The following TP63 variants were observed in gnomAD, a reference collection of about 807,000 sequenced individuals.
The protein encoded by TP63 is tumor protein p63.
A neutral mutation model predicts 82.8 loss-of-function variants in TP63; 17 were observed. The observed-to-expected ratio is 0.21, with a 90% CI of 0.14 to 0.31. The LOEUF is 0.31. Among genes scored for constraint, TP63 ranks in the 10% least tolerant of loss-of-function variants. The pLI is 1.00. For synonymous variants in TP63, 330 were observed against 321.7 expected, an observed-to-expected ratio of 1.03 and a Z score of -0.28; for missense variants, 648 against 895.3, an observed-to-expected ratio of 0.72 and a Z score of 3.52.
chr3:189,842,788 C>G (rs888210162), intron 4 of TP63, among the ~76,000 whole-genome samples: 2 of 152,226 alleles, frequency 1.3e-5, no homozygotes, highest in South Asian at 2.1e-4. Context: ...TCATGATGGT[C>G]GTGACTTTAG....
intron 1 of TP63, among the ~76,000 whole-genome samples, chr3:189,666,150 G>GTC (rs1714375020): frequency 6.6e-6 from 1 of 151,896 alleles, no homozygotes; most frequent in Non-Finnish European, 1.5e-5. Flanking sequence ...CTTATCAAAC[G>GTC]TAATAAATAA....
intron 4 of TP63, among the ~76,000 whole-genome samples, chr3:189,815,194 T>C (rs1447516677): frequency 6.6e-6 from 1 of 152,120 alleles, no homozygotes; most frequent in Non-Finnish European, 1.5e-5. Flanking sequence ...TATTTTTTTT[T>C]ACTATAGCTT....
intron 1 of TP63, among the ~76,000 whole-genome samples, chr3:189,729,723 G>A (rs1237353060): frequency 1.3e-5 from 2 of 151,992 alleles, no homozygotes; most frequent in Non-Finnish European, 2.9e-5. Context: ...AGGTTGAAAA[G>A]GAAAGATTTC....
intron 3 of TP63, among the ~76,000 whole-genome samples, chr3:189,787,748 A>T (rs1724727332): frequency 6.6e-6 from 1 of 152,006 alleles, no homozygotes; most frequent in African/African-American, 2.4e-5. Flanking sequence ...CAATTTAATA[A>T]TGACTTTGGT....
At chr3:189,688,574 T>C (rs986411429) in intron 1 of TP63, among the ~76,000 whole-genome samples, 5 of 152,158 alleles carry the variant, frequency 3.3e-5, no homozygotes, top group Non-Finnish European at 7.3e-5. Flanking sequence ...CCTGAGTTCT[T>C]ATCACTGTAC....
At chr3:189,804,283 G>A (rs181347288) in intron 3 of TP63, among the ~76,000 whole-genome samples, 7 of 152,230 alleles carry the variant, frequency 4.6e-5, no homozygotes, top group Non-Finnish European at 8.8e-5. Context: ...CCTTTACCCC[G>A]CCAGATTTGC....
intron 4 of TP63, among the ~76,000 whole-genome samples, chr3:189,819,063 T>C (rs1560216951): frequency 6.6e-6 from 1 of 152,218 alleles, no homozygotes; most frequent in Non-Finnish European, 1.5e-5. Flanking sequence ...ATAAAGCAGA[T>C]TGACCAACAT....
chr3:189,844,865 A>T (rs1714662290), intron 4 of TP63, among the ~76,000 whole-genome samples: 1 of 152,084 alleles, frequency 6.6e-6, no homozygotes, highest in African/African-American at 2.4e-5. Flanking sequence ...TTTTATTTTC[A>T]TGTATCTCAT....
rs994519414 is a variant in TP63 at position 189,808,534 on chromosome 3, C to T, written c.579+8C>T. The stretch of plus-strand genomic sequence containing the variant: ...AAGTCGGCCACCTGGACGGTAAGAG[C>T]AGCGGGCACGCACATACCTGACCCC... On this transcript the variant is annotated splice_region_variant and intron_variant, in intron 4 of 13. Transcript: ENST00000264731. 21 of 1,613,186 alleles carry T rather than the reference C, an allele frequency of 1.3e-5. No individual in the cohort carries two copies. Among genetic ancestry groups the T allele is most frequent in the Non-Finnish European group, 5.9e-6 (7 of 1,180,052 alleles).
intron 3 of TP63, among the ~76,000 whole-genome samples, chr3:189,780,073 A>T (rs1381940031): frequency 4.7e-4 from 72 of 152,204 alleles, no homozygotes; most frequent in Non-Finnish European, 1.5e-4. Flanking sequence ...TACAAAAAAA[A>T]GCAAGAAGAC....
intron 1 of TP63, among the ~76,000 whole-genome samples, chr3:189,690,822 A>C (rs1577247241): frequency 6.6e-6 from 1 of 152,086 alleles, no homozygotes; most frequent in East Asian, 1.9e-4. Context: ...CTTCTTTGTG[A>C]CCTTTGCCTT....
intron 1 of TP63, among the ~76,000 whole-genome samples, chr3:189,730,023 G>A (rs1250105806): frequency 6.6e-6 from 1 of 152,180 alleles, no homozygotes; most frequent in Non-Finnish European, 1.5e-5. Flanking sequence ...GGTCAGGAAT[G>A]CTTCTGAAGC....
At chr3:189,841,770 G>C (rs1714153888) in intron 4 of TP63, among the ~76,000 whole-genome samples, 1 of 152,168 alleles carries the variant, frequency 6.6e-6, no homozygotes, top group Non-Finnish European at 1.5e-5. Flanking sequence ...CATTTTAAAA[G>C]ACAATCAAAG....
chr3:189,879,399 A>G (rs1719656512), intron 10 of TP63, among the ~76,000 whole-genome samples: 1 of 152,164 alleles, frequency 6.6e-6, no homozygotes, highest in South Asian at 2.1e-4. Context: ...TGGGTTTGAT[A>G]TATGCATTTA....
the TP63 span, among the ~76,000 whole-genome samples, chr3:189,617,164 C>T: frequency 6.1e-4 from 93 of 152,316 alleles, no homozygotes; most frequent in African/African-American, 2.1e-3. Flanking sequence ...AATGTCTTAT[C>T]AAGGCCTCCT....
chr3:189,609,603 A>C, the TP63 span, among the ~76,000 whole-genome samples: 1 of 152,006 alleles, frequency 6.6e-6, no homozygotes, highest in Non-Finnish European at 1.5e-5. Context: ...CTTATCATTT[A>C]GCTCCCCTTA....
rs1560204733 is a variant in TP63 at position 189,808,434 on chromosome 3, C to A, written c.487C>A (p.Pro163Thr). 6.2e-7 allele frequency: 1 copy of A among 1,614,222 alleles called. No homozygotes were observed. The highest frequency in any genetic ancestry group is 8.5e-7 in the Non-Finnish European group (1 of 1,180,058). Residue 163 changes from proline (P) to threonine (T), a missense_variant, in exon 4 of 14, where the codon CCC (proline) becomes ACC (threonine). Physicochemically the swap from Pro to Thr is conservative, Grantham distance 38. Coordinates refer to ENST00000264731, the MANE Select transcript of TP63 (RefSeq NM_003722.5). The part of the protein sequence containing the change: ...SSTFDALSPS[P>T]AIPSNTDYPG... ...CACCTTCGATGCTCTCTCTCCATCA[C>A]CCGCCATCCCCTCCAACACCGACTA...
intron 10 of TP63, among the ~76,000 whole-genome samples, chr3:189,877,981 C>T (rs1719424113): frequency 6.6e-6 from 1 of 152,158 alleles, no homozygotes; most frequent in Admixed American, 6.5e-5. Flanking sequence ...TCCCGAGTAG[C>T]TGTGGACCAC....
chr3:189,826,565 C>T lies in TP63; in HGVS notation c.579+18039C>T, dbSNP rs74466938. 2.9e-3 allele frequency among the ~76,000 whole-genome samples: 448 copies of T among 152,202 alleles called. 1 individual carries two copies. The highest frequency in any genetic ancestry group is 0.011 in the African/African-American group (437 of 41,522). ...TGAGTGAAATATCCCAATTAAAAAA[C>T]TGAAAGGATTGTTTATCAGTAAGTT... On this transcript the variant is annotated intron_variant, in intron 4 of 13. Transcript: ENST00000264731.
Sources: gnomAD v4.1 joint callset for allele counts (sites outside exome capture counted in the v4.1 genomes callset) on GRCh38, gnomAD v4.1.1 for gene constraint, MANE v1.5 for transcripts, NCBI Gene and HGNC (gene_info 2026-07-23, HGNC 2026-07-21) for gene names.